The following TTC29 variants were observed in gnomAD, a reference collection of about 807,000 sequenced individuals.
TTC29 encodes the protein tetratricopeptide repeat protein 29.
A neutral mutation model predicts 58.1 loss-of-function variants in TTC29; 49 were observed. The observed-to-expected ratio is 0.84, with a 90% CI of 0.67 to 1.07. The LOEUF is 1.07. Ranked by LOEUF, TTC29 falls within the 50% of genes least tolerant of loss-of-function variation. The probability of loss-of-function intolerance (pLI) is 0.00; values close to 1 mark genes in which losing one functional copy is unlikely to be tolerated. For missense variants in TTC29, 582 were observed against 555.6 expected, an observed-to-expected ratio of 1.05 and a Z score of -0.48; for synonymous variants, 209 against 196.8, an observed-to-expected ratio of 1.06 and a Z score of -0.52.
chr4:146,846,947 C>G (rs1729211446), intron 8 of TTC29, among the ~76,000 whole-genome samples: 1 of 152,148 alleles, frequency 6.6e-6, no homozygotes, highest in African/African-American at 2.4e-5. Flanking sequence ...CTGATAAACT[C>G]GGTAAACCCT....
At chr4:146,924,756 GT>G (rs1446876039) in intron 4 of TTC29, among the ~76,000 whole-genome samples, 1 of 151,434 alleles carries the variant, frequency 6.6e-6, no homozygotes, top group African/African-American at 2.4e-5. Flanking sequence ...CTAACTTTGA[GT>G]TTAATTTGCT....
intron 11 of TTC29, among the ~76,000 whole-genome samples, chr4:146,734,424 G>A (rs556613995): frequency 4.6e-5 from 7 of 151,970 alleles, no homozygotes; most frequent in South Asian, 2.1e-4. Flanking sequence ...TAATAAAACC[G>A]GTAAACATTA....
chr4:146,863,286 A>C (rs569096246), intron 8 of TTC29, among the ~76,000 whole-genome samples: 8 of 152,274 alleles, frequency 5.3e-5, no homozygotes, highest in Admixed American at 2.0e-4. Flanking sequence ...CCTGGTATGA[A>C]ACCATCTATT....
chr4:146,757,164 G>T (rs1200049729), intron 11 of TTC29, among the ~76,000 whole-genome samples: 1 of 151,862 alleles, frequency 6.6e-6, no homozygotes, highest in African/African-American at 2.4e-5. Context: ...AGTAGGATCT[G>T]TCAGAGGGAA....
At chr4:146,827,118 A>C (rs1727861698) in intron 9 of TTC29, among the ~76,000 whole-genome samples, 1 of 151,888 alleles carries the variant, frequency 6.6e-6, no homozygotes, top group South Asian at 2.1e-4. Flanking sequence ...CATCCATTTG[A>C]TCCTTCATCC....
chr4:146,861,020 T>C (rs1415714985), intron 8 of TTC29, among the ~76,000 whole-genome samples: 1 of 152,204 alleles, frequency 6.6e-6, no homozygotes, highest in Non-Finnish European at 1.5e-5. Context: ...TTTGTTTTCA[T>C]AGTATCATTT....
chr4:146,858,196 T>C (rs1023376611), intron 8 of TTC29, among the ~76,000 whole-genome samples: 1 of 152,240 alleles, frequency 6.6e-6, no homozygotes, highest in Non-Finnish European at 1.5e-5. Context: ...ATTAGTATTG[T>C]TATTTCACAA....
chr4:146,764,797 A>C (rs1397021963), intron 11 of TTC29, among the ~76,000 whole-genome samples: 3 of 152,108 alleles, frequency 2.0e-5, no homozygotes, highest in Admixed American at 6.6e-5. Flanking sequence ...ACAGAAATGT[A>C]CTGAATAAAT....
chr4:146,714,805 G>T (rs1473538526), intron 11 of TTC29, among the ~76,000 whole-genome samples: 3 of 152,104 alleles, frequency 2.0e-5, no homozygotes, highest in Non-Finnish European at 4.4e-5. Flanking sequence ...AGCATCAGAG[G>T]TAAGTACAAT....
chr4:146,818,216 T>G (rs978414169), intron 10 of TTC29, among the ~76,000 whole-genome samples: 2 of 151,946 alleles, frequency 1.3e-5, no homozygotes, highest in African/African-American at 4.8e-5. Context: ...GAATCTACAA[T>G]GAACTCAAAC....
intron 8 of TTC29, among the ~76,000 whole-genome samples, chr4:146,845,818 C>T (rs1177188773): frequency 4.6e-5 from 3 of 65,756 alleles, no homozygotes; most frequent in Non-Finnish European, 8.4e-5. Flanking sequence ...TACACACAAT[C>T]ACACACACAC....
At chr4:146,846,794 T>C (rs1163509071) in intron 8 of TTC29, among the ~76,000 whole-genome samples, 1 of 152,216 alleles carries the variant, frequency 6.6e-6, no homozygotes, top group Non-Finnish European at 1.5e-5. Context: ...TACCTCTTAC[T>C]GGATTTCTTT....
chr4:146,826,175 A>AC (rs1477872743), intron 9 of TTC29, among the ~76,000 whole-genome samples: 1 of 152,092 alleles, frequency 6.6e-6, no homozygotes, highest in Non-Finnish European at 1.5e-5. Flanking sequence ...GTTATTTTGC[A>AC]CACTAGTTAA....
At chr4:146,811,758 T>C (rs1279424552) in intron 10 of TTC29, among the ~76,000 whole-genome samples, 1 of 152,202 alleles carries the variant, frequency 6.6e-6, no homozygotes, top group African/African-American at 2.4e-5. Flanking sequence ...TCGGTCAAAC[T>C]GACTGAATAA....
At chr4:146,915,485 T>C (rs944809972) in intron 4 of TTC29, among the ~76,000 whole-genome samples, 1 of 151,970 alleles carries the variant, frequency 6.6e-6, no homozygotes, top group African/African-American at 2.4e-5. Flanking sequence ...GAAGAGCAAA[T>C]TAAATGGATA....
chr4:146,847,688 A>T (rs535452375), intron 8 of TTC29, among the ~76,000 whole-genome samples: 1 of 152,342 alleles, frequency 6.6e-6, no homozygotes, highest in African/African-American at 2.4e-5. Flanking sequence ...AAGTACAAAA[A>T]AAGATGAAGA....
intron 11 of TTC29, among the ~76,000 whole-genome samples, chr4:146,736,701 T>G (rs1744733587): frequency 6.6e-6 from 1 of 152,308 alleles, no homozygotes; most frequent in Admixed American, 6.5e-5. Flanking sequence ...CCCTGATGAC[T>G]GAAGGACATA....
At chr4:146,858,024 C>T (rs571546774) in intron 8 of TTC29, among the ~76,000 whole-genome samples, 3 of 152,264 alleles carry the variant, frequency 2.0e-5, no homozygotes, top group Admixed American at 2.0e-4. Context: ...AATGCATGCT[C>T]AATAAATACT....
chr4:146,941,108 T>G (rs774734789), intron 2 of TTC29, among the ~76,000 whole-genome samples: 6 of 152,098 alleles, frequency 3.9e-5, no homozygotes, highest in Non-Finnish European at 7.4e-5. Context: ...TCTGTGAACT[T>G]AGAATAGAAA....
Sources: gnomAD v4.1 joint callset for allele counts (sites outside exome capture counted in the v4.1 genomes callset) on GRCh38, gnomAD v4.1.1 for gene constraint, MANE v1.5 for transcripts, NCBI Gene and HGNC (gene_info 2026-07-23, HGNC 2026-07-21) for gene names.